SCAF4: variants seen among roughly 807,000 people sequenced by gnomAD.
SCAF4 encodes the protein SR-related CTD associated factor 4.
In SCAF4, 25 loss-of-function variants were observed where a neutral mutation model predicts 129.8. The ratio of observed to expected loss-of-function variants is 0.19; its 90% CI spans 0.14 to 0.27. The LOEUF (loss-of-function observed/expected upper bound fraction) is 0.27. Ranked by LOEUF, SCAF4 falls within the 10% of genes least tolerant of loss-of-function variation. The pLI is 1.00. For missense variants in SCAF4, 1,246 were observed against 1,457.1 expected, an observed-to-expected ratio of 0.86 and a Z score of 2.36; for synonymous variants, 551 against 497.7, an observed-to-expected ratio of 1.11 and a Z score of -1.43.
At position 31,685,251 on chromosome 21, in the gene SCAF4, T is replaced by A. The variant is rs760833307; in HGVS notation, c.2297-11A>T. On this transcript the variant is annotated splice_polypyrimidine_tract_variant and intron_variant, in intron 18 of 19. Transcript: ENST00000286835. The stretch of plus-strand genomic sequence containing the variant: ...TACCAGCGATAGTAGCTAAGGAATA[T>A]AATTATATCAACATGTGAAGCTGAA... 6.4e-7 allele frequency: 1 copy of A among 1,569,274 alleles called. No homozygotes were observed. Among genetic ancestry groups the A allele is most frequent in the South Asian group, 1.1e-5 (1 of 90,030 alleles).
chr21:31,705,415 A>G lies in SCAF4; in HGVS notation c.159+8T>C. The G allele has an allele frequency of 1.7e-6, 2 of 1,184,502 alleles. No homozygotes were observed. The highest frequency in any genetic ancestry group is 2.4e-6 in the Non-Finnish European group (2 of 834,440). 73.4% of individuals were successfully genotyped at this position (1,184,502 alleles called of 1,614,324 possible). On this transcript the variant is annotated splice_region_variant and intron_variant, in intron 3 of 19. Transcript: ENST00000286835. Reference sequence around the variant, plus strand: ...AACTAAAATGAGGTTATAATGAGAGATAGTTACCTTTTTGATGAACTTTTC... The same window carrying G: ...AACTAAAATGAGGTTATAATGAGAGGTAGTTACCTTTTTGATGAACTTTTC...
chr21:31,703,225 A>C (rs565549542), intron 4 of SCAF4, among the ~76,000 whole-genome samples: 3 of 152,238 alleles, frequency 2.0e-5, no homozygotes, highest in African/African-American at 7.2e-5. Context: ...TTCCTACTGC[A>C]CAATTTCTTC....
rs1236593805 is a variant in SCAF4, at chr21:31,694,286, T to C, written c.1240A>G (p.Met414Val). The C allele has an allele frequency of 1.3e-6, 2 of 1,591,064 alleles. No individual in the cohort carries two copies. The highest frequency in any genetic ancestry group is 2.2e-5 in the East Asian group (1 of 44,634). Residue 414 changes from methionine (M) to valine (V), a missense_variant, in exon 11 of 20, where the codon ATG (methionine) becomes GTG (valine). Physicochemically the swap from Met to Val is conservative, Grantham distance 21. Transcript: ENST00000286835. ...PLTQKPHQQE[M>V]EVEQPCIQEV... ...TGAATACAAGGTTGTTCTACTTCCA[T>C]TTCCTTAAAAAACAAAAACCATGAT...
intron 7 of SCAF4, among the ~76,000 whole-genome samples, chr21:31,699,247 A>G (rs934022663): frequency 3.3e-5 from 5 of 152,238 alleles, no homozygotes; most frequent in Non-Finnish European, 7.3e-5. Flanking sequence ...ACTATCTTCA[A>G]CCATATTCTA....
chr21:31,696,444 C>T, intron 8 of SCAF4, 125 bp downstream of exon 8: 4 of 1,065,556 alleles, frequency 3.8e-6, no homozygotes, highest in Non-Finnish European at 5.2e-6. Flanking sequence ...CAAGAGAAAA[C>T]TAATACCACA....
chr21:31,698,471 TC>T (rs2050440894), intron 7 of SCAF4, among the ~76,000 whole-genome samples: 1 of 152,226 alleles, frequency 6.6e-6, no homozygotes, highest in East Asian at 1.9e-4. Context: ...TACAGAGTTT[TC>T]CAGTTCATCT....
chr21:31,677,591 A>G (rs1432121166), intron 19 of SCAF4, among the ~76,000 whole-genome samples: 2 of 152,098 alleles, frequency 1.3e-5, no homozygotes, highest in Admixed American at 1.3e-4. Context: ...TCCAGCTGCC[A>G]AGTCGCAGCG....
intron 1 of SCAF4, among the ~76,000 whole-genome samples, chr21:31,728,673 A>G (rs570688572): frequency 6.6e-6 from 1 of 152,208 alleles, no homozygotes; most frequent in East Asian, 1.9e-4. Context: ...AATGCCTGAC[A>G]TGCCATTGGT....
rs1444014280 is a variant in SCAF4 at position 31,686,495 on chromosome 21, A to C, written c.2044-762T>G. 2.6e-5 allele frequency among the ~76,000 whole-genome samples: 4 copies of C among 152,336 alleles called. No homozygotes were observed. In the East Asian group the frequency reaches 5.8e-4, roughly 22 times the overall value. ...TTGAGCAAGCTATTTAAATTCTCTA[A>C]AACGGCAAAGTGCCAACCACACATA... On this transcript the variant is annotated intron_variant, in intron 16 of 19. Transcript: ENST00000286835.
chr21:31,717,916 C>T (rs1177537093), intron 1 of SCAF4, among the ~76,000 whole-genome samples: 1,396 of 112,552 alleles, frequency 0.012, 9 homozygotes, highest in African/African-American at 0.022. Flanking sequence ...CACACACACA[C>T]ACACACACAC....
intron 15 of SCAF4, 107 bp downstream of exon 15, chr21:31,690,690 A>C (rs2123525145): frequency 2.0e-6 from 2 of 1,022,050 alleles, no homozygotes; most frequent in South Asian, 3.6e-5. Flanking sequence ...AGGGATCCTA[A>C]AAAATCTCAA....
chr21:31,683,959 A>AG (rs1485618656), intron 19 of SCAF4: 2 of 153,508 alleles, frequency 1.3e-5, no homozygotes, highest in Non-Finnish European at 2.9e-5. Context: ...TATCAGCCTA[A>AG]GCTTAGTCTA....
chr21:31,680,099 T>C (rs1262936143), intron 19 of SCAF4, among the ~76,000 whole-genome samples: 3 of 152,214 alleles, frequency 2.0e-5, no homozygotes, highest in Admixed American at 2.0e-4. Flanking sequence ...CCAGAGTTAC[T>C]GCCCCTCCCA....
chr21:31,725,541 G>A (rs531934853), intron 1 of SCAF4, among the ~76,000 whole-genome samples: 29 of 152,112 alleles, frequency 1.9e-4, no homozygotes, highest in Non-Finnish European at 8.8e-5. Flanking sequence ...ACAAGTACTC[G>A]CATTTTTTTT....
In SCAF4 at chr21:31,671,653, T is replaced by G; in HGVS notation, c.3190A>C (p.Arg1064=). ...SGHRDRERDS[R]DRESRREKEE... ...TTCTCTCTACGAGACTCTCTATCTC[T>G]AGAATCTCTCTCTCTGTCTCGATGC... Residue 1064 remains arginine, a synonymous_variant, in exon 20 of 20, where the codon AGA becomes CGA. Transcript: ENST00000286835. The G allele has an allele frequency of 6.2e-7, 1 of 1,614,058 alleles. No homozygotes were observed. The highest frequency in any genetic ancestry group is 8.5e-7 in the Non-Finnish European group (1 of 1,179,916).
chr21:31,728,688 T>C (rs553033726), intron 1 of SCAF4, among the ~76,000 whole-genome samples: 1 of 152,300 alleles, frequency 6.6e-6, no homozygotes, highest in South Asian at 2.1e-4. Context: ...ATTGGTCTTA[T>C]ATTAATTCCT....
At chr21:31,698,453 T>C (rs1011608020) in intron 7 of SCAF4, among the ~76,000 whole-genome samples, 3 of 152,184 alleles carry the variant, frequency 2.0e-5, no homozygotes, top group Admixed American at 6.5e-5. Context: ...TACACTGACA[T>C]AGAAATGTAC....
chr21:31,705,938 C>T (rs752224576), intron 2 of SCAF4, among the ~76,000 whole-genome samples: 13 of 152,154 alleles, frequency 8.5e-5, no homozygotes, highest in East Asian at 7.7e-4. Context: ...GGCGTGGTGG[C>T]GCACACCTGT....
At chr21:31,709,361 A>AAG (rs2050744375) in intron 1 of SCAF4, among the ~76,000 whole-genome samples, 7 of 151,422 alleles carry the variant, frequency 4.6e-5, no homozygotes, top group Admixed American at 2.0e-4. Context: ...AAAAAAAAAA[A>AAG]AAAGAAAGAA....
Sources: gnomAD v4.1 joint callset for allele counts (sites outside exome capture counted in the v4.1 genomes callset) on GRCh38, gnomAD v4.1.1 for gene constraint, MANE v1.5 for transcripts, NCBI Gene and HGNC (gene_info 2026-07-23, HGNC 2026-07-21) for gene names.